ELMO1: variants seen among roughly 807,000 people sequenced by gnomAD.
ELMO1 encodes engulfment and cell motility 1, also known as engulfment and cell motility protein 1.
A neutral mutation model predicts 98.9 loss-of-function variants in ELMO1; 26 were observed. That is an observed-to-expected ratio of 0.26 (90% CI 0.19 to 0.36). The LOEUF is 0.36. Among genes scored for constraint, ELMO1 ranks in the 10% least tolerant of loss-of-function variants. The probability of loss-of-function intolerance (pLI) is 1.00; values close to 1 mark genes in which losing one functional copy is unlikely to be tolerated. For missense variants in ELMO1, 627 were observed against 935.2 expected (o/e 0.67, Z 4.30); for synonymous variants, 346 against 346.0 (o/e 1.00, Z 0.00).
intron 16 of ELMO1, chr7:36,985,149 C>A (rs1791404100): frequency 2.0e-6 from 2 of 979,668 alleles, no homozygotes; most frequent in African/African-American, 3.5e-5. Flanking sequence ...AAATTAAACC[C>A]CAGGGAGCAG....
At chr7:37,147,300 T>C (rs1012411913) in intron 13 of ELMO1, among the ~76,000 whole-genome samples, 1 of 152,110 alleles carries the variant, frequency 6.6e-6, no homozygotes, top group African/African-American at 2.4e-5. Context: ...CCAGTGTACC[T>C]CCCTCTCTGA....
intron 15 of ELMO1, among the ~76,000 whole-genome samples, chr7:37,015,921 T>C (rs1020751143): frequency 6.6e-6 from 1 of 152,224 alleles, no homozygotes; most frequent in African/African-American, 2.4e-5. Context: ...ATGTGAAGTT[T>C]TGACTTGCGA....
intron 13 of ELMO1, among the ~76,000 whole-genome samples, chr7:37,174,792 C>G (rs1378365628): frequency 1.3e-5 from 2 of 152,088 alleles, no homozygotes; most frequent in East Asian, 3.9e-4. Flanking sequence ...CCCAGCTGTC[C>G]CACAATATAA....
At chr7:37,413,593 C>G (rs1484808792) in intron 1 of ELMO1, among the ~76,000 whole-genome samples, 1 of 152,170 alleles carries the variant, frequency 6.6e-6, no homozygotes, top group Non-Finnish European at 1.5e-5. Flanking sequence ...AGGTAACATG[C>G]AAAGTATGCC....
intron 1 of ELMO1, among the ~76,000 whole-genome samples, chr7:37,384,147 T>C (rs1253989527): frequency 6.6e-6 from 1 of 152,220 alleles, no homozygotes; most frequent in African/African-American, 2.4e-5. Flanking sequence ...TTCTATATTT[T>C]ACTTATGGTA....
rs561099460 is a variant in ELMO1 at position 37,223,832 on chromosome 7, A to G, written c.701+1047T>C. On this transcript the variant is annotated intron_variant, in intron 9 of 21. Coordinates refer to ENST00000310758, the MANE Select transcript of ELMO1 (RefSeq NM_014800.11). The stretch of plus-strand genomic sequence containing the variant: ...ATCCTCCCACCTCCAAATGAAAATA[A>G]TATCTAATATAATCTGCTTTGGTAG... Among the ~76,000 whole-genome samples, 6 of 152,368 alleles carry G rather than the reference A, an allele frequency of 3.9e-5. No homozygotes were observed. The South Asian group carries it at 6.2e-4, about 16-fold the overall frequency.
At chr7:37,306,888 T>C (rs1798640930) in intron 4 of ELMO1, among the ~76,000 whole-genome samples, 1 of 152,218 alleles carries the variant, frequency 6.6e-6, no homozygotes, top group Non-Finnish European at 1.5e-5. Flanking sequence ...CAAAAGGTTT[T>C]TTAAGGTACA....
At chr7:37,039,246 A>T (rs2129193042) in intron 15 of ELMO1, among the ~76,000 whole-genome samples, 1 of 152,368 alleles carries the variant, frequency 6.6e-6, no homozygotes, top group South Asian at 2.1e-4. Context: ...AGATTATGAC[A>T]TGCCATGGTT....
intron 13 of ELMO1, among the ~76,000 whole-genome samples, chr7:37,162,125 C>T (rs1162483282): frequency 6.6e-6 from 1 of 151,188 alleles, no homozygotes; most frequent in Non-Finnish European, 1.5e-5. Context: ...CTGATACACT[C>T]AATTCCTTCC....
chr7:37,173,948 G>C (rs78564148), intron 13 of ELMO1, among the ~76,000 whole-genome samples: 55 of 152,222 alleles, frequency 3.6e-4, no homozygotes, highest in African/African-American at 1.2e-3. Flanking sequence ...CCCATCTTCT[G>C]GTGAAGCTAA....
chr7:37,245,059 A>T (rs1794928444), intron 6 of ELMO1, among the ~76,000 whole-genome samples: 1 of 152,170 alleles, frequency 6.6e-6, no homozygotes, highest in South Asian at 2.1e-4. Context: ...AAGTCTGCCA[A>T]ATCTCTCTGG....
intron 1 of ELMO1, among the ~76,000 whole-genome samples, chr7:37,356,221 G>A (rs560566203): frequency 1.1e-3 from 164 of 152,212 alleles, no homozygotes; most frequent in African/African-American, 3.9e-3. Context: ...ATTTGGGTTG[G>A]TACCAAGTCT....
chr7:37,116,044 C>T (rs1785565625), intron 14 of ELMO1, among the ~76,000 whole-genome samples: 1 of 152,122 alleles, frequency 6.6e-6, no homozygotes, highest in Non-Finnish European at 1.5e-5. Context: ...TAAAACTGTT[C>T]TAAAACACAA....
At chr7:37,234,760 T>A (rs1480895107) in intron 7 of ELMO1, among the ~76,000 whole-genome samples, 2 of 152,186 alleles carry the variant, frequency 1.3e-5, no homozygotes, top group Non-Finnish European at 2.9e-5. Flanking sequence ...CAAACATGCT[T>A]AAAGCCCTCC....
rs539570932 is a variant in ELMO1 at position 37,313,221 on chromosome 7, C to G, written c.192+1629G>C. Among the ~76,000 whole-genome samples, 622 of 110,644 alleles carry G rather than the reference C, an allele frequency of 5.6e-3. 2 individuals are homozygous for G. The highest frequency in any genetic ancestry group is 0.01 in the Non-Finnish European group (514 of 49,884). 72.6% of individuals were successfully genotyped at this position (110,644 alleles called of 152,430 possible). On this transcript the variant is annotated intron_variant, in intron 4 of 21. Transcript: ENST00000310758. ...ATCAAGTTCACTTGTTAACTCCCAG[C>G]TTTGTTTTTTCTTTTTCTCTCGAGA...
intron 15 of ELMO1, among the ~76,000 whole-genome samples, chr7:37,016,553 T>G (rs549415593): frequency 5.4e-4 from 82 of 152,140 alleles, no homozygotes; most frequent in Non-Finnish European, 7.9e-4. Flanking sequence ...ACCCATTCTC[T>G]TAGGTCTCCC....
chr7:37,255,789 T>TGACATATCAGTGGCTGG (rs11271123), intron 6 of ELMO1, among the ~76,000 whole-genome samples: 1 of 152,002 alleles, frequency 6.6e-6, no homozygotes, highest in African/African-American at 2.4e-5. Flanking sequence ...GCATTGTCCT[T>TGACATATCAGTGGCTGG]GACTTAGCTT....
At chr7:37,401,636 A>C (rs1803534613) in intron 1 of ELMO1, among the ~76,000 whole-genome samples, 1 of 152,228 alleles carries the variant, frequency 6.6e-6, no homozygotes, top group African/African-American at 2.4e-5. Context: ...GAAGGAGAAG[A>C]ATTCAGGCAA....
intron 1 of ELMO1, among the ~76,000 whole-genome samples, chr7:37,428,760 G>T (rs1240478112): frequency 6.6e-6 from 1 of 152,234 alleles, no homozygotes; most frequent in Non-Finnish European, 1.5e-5. Flanking sequence ...AGAGCCAGAA[G>T]AAAAACATAC....
Sources: gnomAD v4.1 joint callset for allele counts (sites outside exome capture counted in the v4.1 genomes callset) on GRCh38, gnomAD v4.1.1 for gene constraint, MANE v1.5 for transcripts, NCBI Gene and HGNC (gene_info 2026-07-23, HGNC 2026-07-21) for gene names.